DNAJC6: variants seen among roughly 807,000 people sequenced by gnomAD.
DNAJC6 encodes the protein auxilin.
DNAJC6 carries 34 observed loss-of-function variants against 110.0 expected under a neutral mutation model. The ratio of observed to expected loss-of-function variants is 0.31; its 90% CI spans 0.24 to 0.41. DNAJC6 has a LOEUF of 0.41. DNAJC6 is among the 10% of genes least tolerant of loss of function. The pLI is 1.00. For missense variants in DNAJC6, 1,031 were observed against 1,207.8 expected, an observed-to-expected ratio of 0.85 and a Z score of 2.17; for synonymous variants, 406 against 437.2, an observed-to-expected ratio of 0.93 and a Z score of 0.89.
At chr1:65,369,943 A>G (rs1287025557) in intron 4 of DNAJC6, among the ~76,000 whole-genome samples, 2 of 152,226 alleles carry the variant, frequency 1.3e-5, no homozygotes, top group Non-Finnish European at 2.9e-5. Flanking sequence ...AGCAGAGGCT[A>G]CAACTCAAAA....
At chr1:65,376,528 A>G (rs1006669550) in intron 4 of DNAJC6, among the ~76,000 whole-genome samples, 5 of 151,698 alleles carry the variant, frequency 3.3e-5, no homozygotes, top group African/African-American at 1.2e-4. Context: ...GTTTATTGCT[A>G]TAAACTTTCC....
chr1:65,372,966 C>T (rs6684351), intron 4 of DNAJC6, among the ~76,000 whole-genome samples: 4 of 152,072 alleles, frequency 2.6e-5, no homozygotes, highest in South Asian at 4.1e-4. Flanking sequence ...AACCCTCTCC[C>T]ACTCCTCTTC....
intron 1 of DNAJC6, among the ~76,000 whole-genome samples, chr1:65,278,825 A>G (rs1003590416): frequency 1.6e-4 from 24 of 152,104 alleles, no homozygotes; most frequent in African/African-American, 4.3e-4. Flanking sequence ...TCTGACTCCT[A>G]GTTCATCTGA....
chr1:65,383,404 C>T (rs1475326612), intron 5 of DNAJC6, among the ~76,000 whole-genome samples: 8 of 152,134 alleles, frequency 5.3e-5, no homozygotes, highest in Non-Finnish European at 8.8e-5. Context: ...GCAATCTGCT[C>T]GCCTTGGCCT....
chr1:65,398,344 G>A (rs1273132010), intron 13 of DNAJC6, among the ~76,000 whole-genome samples: 2 of 152,168 alleles, frequency 1.3e-5, no homozygotes, highest in African/African-American at 4.8e-5. Context: ...TCAGTTTTGA[G>A]TGGATTATGC....
intron 4 of DNAJC6, among the ~76,000 whole-genome samples, chr1:65,371,680 G>A (rs1298271910): frequency 6.6e-6 from 1 of 152,134 alleles, no homozygotes; most frequent in Non-Finnish European, 1.5e-5. Context: ...AAATTGAATG[G>A]CATCCAGCTC....
At position 65,295,607 on chromosome 1, in the gene DNAJC6, C is replaced by A. The variant is rs1211148231; in HGVS notation, c.-131+30675C>A. On this transcript the variant is annotated intron_variant, in intron 1 of 19. Transcript: ENST00000263441. ...AGCTAATTTAATATGTACAGCCAATCAGTAGGGTAGTACCTCAATGAACAA... is the reference window on the plus strand; with the variant it reads ...AGCTAATTTAATATGTACAGCCAATAAGTAGGGTAGTACCTCAATGAACAA... 3.3e-5 allele frequency among the ~76,000 whole-genome samples: 5 copies of A among 152,204 alleles called. No homozygotes were observed. In the East Asian group the frequency reaches 9.6e-4, roughly 29 times the overall value.
intron 1 of DNAJC6, among the ~76,000 whole-genome samples, chr1:65,340,373 A>G (rs1033880666): frequency 2.6e-5 from 4 of 152,166 alleles, no homozygotes; most frequent in African/African-American, 9.6e-5. Flanking sequence ...GGATGTAGCC[A>G]TTTCTGCTGC....
chr1:65,304,989 T>C (rs572390812), upstream of DNAJC6, among the ~76,000 whole-genome samples: 1 of 152,396 alleles, frequency 6.6e-6, no homozygotes, highest in East Asian at 1.9e-4. Context: ...CCTTGCACTA[T>C]GTATATCTAT....
chr1:65,280,949 T>C (rs945796310), intron 1 of DNAJC6, among the ~76,000 whole-genome samples: 2 of 152,268 alleles, frequency 1.3e-5, no homozygotes, highest in Non-Finnish European at 2.9e-5. Context: ...TTTTATTTTA[T>C]TTTTTAGACA....
At chr1:65,276,407 A>T (rs1413693373) in intron 1 of DNAJC6, among the ~76,000 whole-genome samples, 2 of 152,180 alleles carry the variant, frequency 1.3e-5, no homozygotes, top group African/African-American at 4.8e-5. Flanking sequence ...GGATGATGTC[A>T]TCTACCTGTT....
chr1:65,354,996 G>A (rs1645528174), intron 1 of DNAJC6, among the ~76,000 whole-genome samples: 1 of 152,106 alleles, frequency 6.6e-6, no homozygotes, highest in Admixed American at 6.5e-5. Flanking sequence ...GATTATTCTG[G>A]TTGGGCGTAG....
intron 1 of DNAJC6, chr1:65,279,509 A>T (rs1221210832): frequency 6.6e-6 from 1 of 152,174 alleles, no homozygotes; most frequent in Non-Finnish European, 1.5e-5. Flanking sequence ...ATTTCAATAA[A>T]TAAATATTAA....
intron 1 of DNAJC6, among the ~76,000 whole-genome samples, chr1:65,316,639 T>G (rs1645151372): frequency 6.6e-6 from 1 of 152,232 alleles, no homozygotes; most frequent in African/African-American, 2.4e-5. Flanking sequence ...GCATTTATAA[T>G]GAAATATGCC....
chr1:65,329,239 T>C (rs552060872), intron 1 of DNAJC6, among the ~76,000 whole-genome samples: 9 of 152,210 alleles, frequency 5.9e-5, no homozygotes, highest in Non-Finnish European at 1.3e-4. Flanking sequence ...TACCTGCTGA[T>C]GGTTCCACCA....
rs1020049785 is a variant in DNAJC6 at position 65,365,874 on chromosome 1, C to T, written c.345-11C>T. 3.7e-6 allele frequency: 6 copies of T among 1,609,150 alleles called. No individual in the cohort carries two copies. In the Admixed American group the frequency reaches 1.0e-4, roughly 27 times the overall value. ...CATTTTAATGAGTGCCCATTTTTGT[C>T]TTGCTTTTAGCTACACAAAGGGAGA... On this transcript the variant is annotated splice_polypyrimidine_tract_variant and intron_variant, in intron 2 of 18. Coordinates refer to ENST00000371069, the MANE Select transcript of DNAJC6 (RefSeq NM_001256864.2).
Position 65,387,015 on chromosome 1 carries a change from G to A in DNAJC6, c.1113+86G>A, listed in dbSNP as rs1442824429. On this transcript the variant is annotated intron_variant, in intron 8 of 18. Coordinates refer to ENST00000371069, the MANE Select transcript of DNAJC6 (RefSeq NM_001256864.2). Reference sequence around the variant, plus strand: ...GAATCTTTTCTCCCCATCACTTTGGGCTTGAGTCACTTGTAGTTTTAGAAT... The same window carrying A: ...GAATCTTTTCTCCCCATCACTTTGGACTTGAGTCACTTGTAGTTTTAGAAT... The A allele has an allele frequency of 1.2e-5, 14 of 1,145,414 alleles. No homozygotes were observed. The East Asian group carries it at 3.1e-4, about 25-fold the overall frequency. The allele number at this position is 1,145,414 out of a possible 1,614,324, so 71.0% of individuals were successfully genotyped here. A position where few individuals can be genotyped will look rare whatever the true frequency, so the allele number is the denominator to read the frequency against.
chr1:65,352,460 G>T (rs899389657), intron 1 of DNAJC6, among the ~76,000 whole-genome samples: 1 of 152,172 alleles, frequency 6.6e-6, no homozygotes, highest in African/African-American at 2.4e-5. Context: ...CACAGAGCCT[G>T]CCTGCTTGCA....
intron 1 of DNAJC6, among the ~76,000 whole-genome samples, chr1:65,297,806 G>T (rs1570237429): frequency 1.3e-5 from 2 of 152,272 alleles, no homozygotes; most frequent in South Asian, 4.2e-4. Context: ...GCTCCTTGGG[G>T]TAACATCATT....
Sources: allele counts gnomAD v4.1 joint callset (sites outside exome capture counted in the v4.1 genomes callset), GRCh38; gene constraint gnomAD v4.1.1; transcripts MANE v1.5; gene names NCBI Gene and HGNC (gene_info 2026-07-23, HGNC 2026-07-21).